CRBN: variants seen among roughly 807,000 people sequenced by gnomAD.
The protein encoded by CRBN is protein cereblon.
Under a neutral mutation model 62.2 loss-of-function variants are expected in CRBN, and 53 were observed. The observed-to-expected ratio is 0.85, with a 90% CI of 0.68 to 1.07. The LOEUF is 1.07. Ranked by LOEUF, CRBN falls within the 50% of genes least tolerant of loss-of-function variation. CRBN has a pLI of 0.00. For synonymous variants in CRBN, 208 were observed against 176.1 expected, an observed-to-expected ratio of 1.18 and a Z score of -1.43; for missense variants, 616 against 531.1, an observed-to-expected ratio of 1.16 and a Z score of -1.57.
intron 5 of CRBN, among the ~76,000 whole-genome samples, chr3:3,160,168 C>T (rs1420838572): frequency 6.6e-6 from 1 of 152,120 alleles, no homozygotes; most frequent in African/African-American, 2.4e-5. Context: ...TCGGCTTTGC[C>T]TCCCAACAAC....
intron 10 of CRBN, among the ~76,000 whole-genome samples, chr3:3,151,472 GGAAGGACACGTC>G (rs1424516485): frequency 6.8e-6 from 1 of 147,814 alleles, no homozygotes. Context: ...GGATGGGCCA[GGAAGGACACGTC>G]TCAAAAAGTA....
intron 1 of CRBN, among the ~76,000 whole-genome samples, chr3:3,178,310 T>C (rs1267709606): frequency 2.0e-5 from 3 of 152,200 alleles, no homozygotes; most frequent in African/African-American, 7.2e-5. Context: ...AAAAGTTCTC[T>C]CCTATATGGT....
intron 9 of CRBN, 33 bp downstream of exon 9, chr3:3,153,391 G>C (rs202139535): frequency 1.7e-6 from 2 of 1,144,064 alleles, no homozygotes; most frequent in South Asian, 1.2e-5. Context: ...TTCTGATAAG[G>C]CAAGTATATT....
chr3:3,162,214 T>C (rs748316519), intron 5 of CRBN, among the ~76,000 whole-genome samples: 7 of 152,204 alleles, frequency 4.6e-5, no homozygotes, highest in Non-Finnish European at 8.8e-5. Context: ...CTGATTAACA[T>C]AGTAAGCCTT....
chr3:3,172,005 G>A (rs1669323), intron 4 of CRBN, among the ~76,000 whole-genome samples: 69,218 of 152,072 alleles, frequency 0.46, 17,870 homozygotes, highest in Middle Eastern at 0.63. Flanking sequence ...CAGTGATCAA[G>A]GCAAATGCTT....
intron 1 of CRBN, among the ~76,000 whole-genome samples, chr3:3,176,697 T>C (rs890914702): frequency 2.0e-5 from 3 of 152,128 alleles, no homozygotes; most frequent in Non-Finnish European, 2.9e-5. Flanking sequence ...GATTGTGCTA[T>C]TGCACTCCAG....
Position 3,174,103 on chromosome 3 carries a change from C to T in CRBN, c.333G>A (p.Arg111=), listed in dbSNP as rs763642692. 11 of 1,614,050 alleles carry T rather than the reference C, an allele frequency of 6.8e-6. No homozygotes were observed. Among genetic ancestry groups the T allele is most frequent in the Non-Finnish European group, 8.5e-6 (10 of 1,180,042 alleles). ...LFHPQEVSMV[R]NLIQKDRTFA... is the part of the protein sequence containing the mutation. ...AGGTTCTATCTTTCTGAATTAAATT[C>T]CGCACCATACTGACTTCTTGAGGGT... Residue 111 remains arginine, a synonymous_variant, in exon 3 of 11, where the codon CGG becomes CGA. Coordinates refer to ENST00000231948, the MANE Select transcript of CRBN (RefSeq NM_016302.4).
intron 3 of CRBN, 76 bp from the exon 4 acceptor site, chr3:3,173,001 A>C: frequency 2.9e-6 from 3 of 1,020,130 alleles, no homozygotes; most frequent in Non-Finnish European, 4.7e-6. Context: ...CAAAGCAATA[A>C]ATACAGGTAA....
At chr3:3,172,645 A>T in intron 4 of CRBN, 131 bp downstream of exon 4, 1 of 940,838 alleles carries the variant, frequency 1.1e-6, no homozygotes, top group Non-Finnish European at 1.7e-6. Flanking sequence ...ACTGGGCTAT[A>T]CCTTAGAAGG....
chr3:3,149,807 C>CTAT (rs1453619028), downstream of CRBN: 2 of 152,102 alleles, frequency 1.3e-5, no homozygotes, highest in East Asian at 1.9e-4. Flanking sequence ...TGGCCTCATA[C>CTAT]TATTACTACA....
rs765585093 is a variant in CRBN, at chr3:3,172,842, A to C, written c.461T>G (p.Ile154Arg). The C allele has an allele frequency of 1.2e-6, 2 of 1,613,816 alleles. No individual in the cohort carries two copies. Among genetic ancestry groups the C allele is most frequent in the Non-Finnish European group, 1.7e-6 (2 of 1,179,716 alleles). ...TCTTCCAATTGCTTTCACTTTCACT[A>C]TCTCAATTCCAAAATCCTGTTCTTC... ...YREEQDFGIE[I>R]VKVKAIGRQR... The change falls in exon 4 of 11, where the codon ATA becomes AGA. Residue 154 changes from isoleucine to arginine, a missense_variant. Transcript: ENST00000231948.
rs1156322094 is a variant in CRBN, at chr3:3,150,222, C to CAATA, written c.*639_*642dup. 1 of 152,296 alleles carries CAATA rather than the reference C, an allele frequency of 6.6e-6. No individual in the cohort carries two copies. The highest frequency in any genetic ancestry group is 2.4e-5 in the African/African-American group (1 of 41,328). 9.4% of individuals were successfully genotyped at this position (152,296 alleles called of 1,614,324 possible). A position where few individuals can be genotyped will look rare whatever the true frequency, so the allele number is the denominator to read the frequency against. On this transcript the variant is annotated 3_prime_UTR_variant, in exon 11 of 11. Coordinates refer to ENST00000231948, the MANE Select transcript of CRBN (RefSeq NM_016302.4). ...ATAGTTCAGATACTGAGCAAATACA[C>CAATA]AATACTACTTTTTACTAACAGGCAC...
rs1204267125 is a variant in CRBN, at chr3:3,156,289, C to G, written c.688-8G>C. The G allele has an allele frequency of 1.2e-6, 2 of 1,613,128 alleles. No homozygotes were observed. The highest frequency in any genetic ancestry group is 2.7e-5 in the African/African-American group (2 of 74,804). ...TGCACAATGAAACTTTCTCTGAAAA[C>G]AAAACAAAAAGGCACTTAAAAAACC... On this transcript the variant is annotated splice_region_variant and splice_polypyrimidine_tract_variant and intron_variant, in intron 5 of 10. Coordinates refer to ENST00000231948, the MANE Select transcript of CRBN (RefSeq NM_016302.4).
At chr3:3,164,453 A>G in intron 5 of CRBN, among the ~76,000 whole-genome samples, 1 of 152,176 alleles carries the variant, frequency 6.6e-6, no homozygotes, top group East Asian at 1.9e-4. Context: ...TAATCCAGAG[A>G]AAGTCCCTAA....
At chr3:3,153,885 T>C (rs527478611) in intron 8 of CRBN, 75 bp downstream of exon 8, 37 of 889,908 alleles carry the variant, frequency 4.2e-5, no homozygotes, top group East Asian at 2.4e-4. Flanking sequence ...CAGAGCTCCA[T>C]TGGCCCCAAC....
chr3:3,165,109 A>G (rs1258263446), intron 5 of CRBN, among the ~76,000 whole-genome samples: 1 of 152,222 alleles, frequency 6.6e-6, no homozygotes, highest in African/African-American at 2.4e-5. Flanking sequence ...AACTAAAGTT[A>G]GAAGTGGAAC....
In CRBN at chr3:3,154,049, G is replaced by A; in HGVS notation, c.862C>T (p.Leu288Phe). 1 of 1,612,852 alleles carries A rather than the reference G, an allele frequency of 6.2e-7. No individual in the cohort carries two copies. Among genetic ancestry groups the A allele is most frequent in the Non-Finnish European group, 8.5e-7 (1 of 1,178,880 alleles). Residue 288 changes from leucine (L) to phenylalanine (F), a missense_variant, in exon 8 of 11, where the codon CTT becomes TTT. Leu to Phe is a conservative substitution (Grantham distance 22). Coordinates refer to ENST00000231948, the MANE Select transcript of CRBN (RefSeq NM_016302.4). ...ATTCTCAATACATCATCAATAGGAA[G>A]ACAAGCAGCTACTCTGTAAGAAAAA... ...IDFSYRVAAC[L>F]PIDDVLRIQL...
chr3:3,170,489 T>A (rs900658412), intron 4 of CRBN, among the ~76,000 whole-genome samples: 1 of 152,238 alleles, frequency 6.6e-6, no homozygotes, highest in South Asian at 2.1e-4. Context: ...TTGGAAGTCA[T>A]GGGACCTAGA....
At chr3:3,157,716 A>G (rs1022326169) in intron 5 of CRBN, among the ~76,000 whole-genome samples, 1 of 151,338 alleles carries the variant, frequency 6.6e-6, no homozygotes, top group African/African-American at 2.4e-5. Flanking sequence ...GTGCTACACC[A>G]CTCACACCCT....
Sources: gnomAD v4.1 joint callset for allele counts (sites outside exome capture counted in the v4.1 genomes callset) on GRCh38, gnomAD v4.1.1 for gene constraint, MANE v1.5 for transcripts, NCBI Gene and HGNC (gene_info 2026-07-23, HGNC 2026-07-21) for gene names.